The following AS3MT variants were observed in gnomAD, a reference collection of about 807,000 sequenced individuals.
AS3MT encodes the protein S-adenosyl-L-methionine:arsenic(III) methyltransferase.
Under a neutral mutation model 45.3 loss-of-function variants are expected in AS3MT, and 47 were observed. The ratio of observed to expected loss-of-function variants is 1.04; its 90% CI spans 0.82 to 1.32. AS3MT has a LOEUF of 1.32. Ranked by LOEUF, AS3MT falls within the 40% of genes most tolerant of loss-of-function variation. The pLI, the probability that AS3MT is intolerant of heterozygous loss-of-function variation, is 0.00. For synonymous variants in AS3MT, 141 were observed against 152.8 expected, an observed-to-expected ratio of 0.92 and a Z score of 0.57; for missense variants, 396 against 451.1, an observed-to-expected ratio of 0.88 and a Z score of 1.11.
At chr10:102,897,071 T>C (rs1270168787) in intron 10 of AS3MT, among the ~76,000 whole-genome samples, 6 of 152,074 alleles carry the variant, frequency 3.9e-5, no homozygotes, top group Non-Finnish European at 8.8e-5. Context: ...TTCTAAAACC[T>C]GGTTTCCTAA....
intron 10 of AS3MT, among the ~76,000 whole-genome samples, chr10:102,893,055 CCACA>C (rs1845099882): frequency 7.5e-6 from 1 of 133,184 alleles, no homozygotes; most frequent in Non-Finnish European, 1.7e-5. Context: ...TACTGAAAGA[CCACA>C]AAAAAAAAAA....
intron 10 of AS3MT, among the ~76,000 whole-genome samples, chr10:102,899,665 C>G (rs1417749598): frequency 6.8e-6 from 1 of 147,282 alleles, no homozygotes. Context: ...GTGGCATGTT[C>G]ATGCTTTTTT....
At position 102,877,034 on chromosome 10, in the gene AS3MT, G is replaced by C. The variant is rs370022454; in HGVS notation, c.609G>C (p.Trp203Cys). 1 of 1,613,862 alleles carries C rather than the reference G, an allele frequency of 6.2e-7. No individual in the cohort carries two copies. The highest frequency in any genetic ancestry group is 8.5e-7 in the Non-Finnish European group (1 of 1,179,794). The change falls in exon 7 of 11, where the codon TGG becomes TGC. Residue 203 changes from tryptophan (W) to cysteine (C), a missense_variant and splice_region_variant. By Grantham distance (215) the Trp-to-Cys change is radical (BLOSUM62 -2). Transcript: ENST00000369880. ...AAATCAGGACACACAAAGTTTTATG[G>C]GGTAGGTGATTTTGTTTAGTTTAGT... ...PEEIRTHKVL[W>C]GECLGGALYW...
Position 102,900,722 on chromosome 10 carries a change from C to T in AS3MT, c.*22C>T, listed in dbSNP as rs750888847. 31 of 1,567,352 alleles carry T rather than the reference C, an allele frequency of 2.0e-5. No homozygotes were observed. The highest frequency in any genetic ancestry group is 2.5e-5 in the Non-Finnish European group (28 of 1,137,672). On this transcript the variant is annotated 3_prime_UTR_variant, in exon 11 of 11. Transcript: ENST00000369880. The stretch of plus-strand genomic sequence containing the variant: ...CTAAATCTATAGCCAACCAGGGGAC[C>T]ACAGTAGTGGGCAAGAGTGATCTGC...
In AS3MT at chr10:102,878,908, A is replaced by G; in HGVS notation, c.802A>G (p.Thr268Ala). The change falls in exon 9 of 11, where the codon ACC (threonine) becomes GCC (alanine). Residue 268 changes from threonine (T) to alanine (A), a missense_variant. Physicochemically the swap from Thr to Ala is moderately conservative, Grantham distance 58. Transcript: ENST00000369880. The part of the protein sequence containing the change: ...RLFKHSKTGP[T>A]KRCQVIYNGG... ...CTTCAAACACTCTAAGACAGGACCA[A>G]CCAAGAGATGCCAAGTTATTTACAA... 6.2e-7 allele frequency: 1 copy of G among 1,614,150 alleles called. No individual in the cohort carries two copies. Among genetic ancestry groups the G allele is most frequent in the Non-Finnish European group, 8.5e-7 (1 of 1,179,996 alleles).
intron 9 of AS3MT, among the ~76,000 whole-genome samples, chr10:102,888,881 A>ATTTTT (rs869038434): frequency 1.9e-5 from 1 of 52,522 alleles, no homozygotes; most frequent in African/African-American, 7.0e-5. Context: ...ATATATATAT[A>ATTTTT]TTTTTTTTTT....
intron 9 of AS3MT, among the ~76,000 whole-genome samples, chr10:102,885,918 C>T (rs572358939): frequency 9.5e-4 from 145 of 152,044 alleles, no homozygotes; most frequent in Non-Finnish European, 1.6e-3. Context: ...CCGCCTGCCT[C>T]GGCCTCCCAA....
In AS3MT at chr10:102,874,256, G is replaced by GA. The variant is rs751101745; in HGVS notation, c.459-323dup. On this transcript the variant is annotated intron_variant, in intron 5 of 10. Transcript: ENST00000369880. Reference sequence around the variant, plus strand: ...CAACAGGAGTGAAACATCCTCTCGGGAAAAAAAAAAAAAGAAAGAAATGCC... The same window carrying GA: ...CAACAGGAGTGAAACATCCTCTCGGGAAAAAAAAAAAAAAGAAAGAAATGCC... 2.3e-3 allele frequency among the ~76,000 whole-genome samples: 320 copies of GA among 139,882 alleles called. 1 individual carries two copies. Among genetic ancestry groups the GA allele is most frequent in the Middle Eastern group, 3.8e-3 (1 of 264 alleles). The allele number at this position is 139,882 out of a possible 152,430, so 91.8% of individuals were successfully genotyped here.
At position 102,873,198 on chromosome 10, in the gene AS3MT, G is replaced by A. The variant is rs1844722447; in HGVS notation, c.423G>A (p.Glu141=). ...ATGGCTACATTGAGAAGTTGGGAGA[G>A]GCTGGAATCAAGAATGAGAGCCATG... is the stretch of plus-strand genomic sequence containing the variant. ...FIHGYIEKLG[E]AGIKNESHDI... is the part of the protein sequence containing the mutation. The change falls in exon 5 of 11, where the codon GAG becomes GAA. Residue 141 remains glutamate, a synonymous_variant. Coordinates refer to ENST00000369880, the MANE Select transcript of AS3MT (RefSeq NM_020682.4). The A allele has an allele frequency of 6.2e-7, 1 of 1,609,006 alleles. No individual in the cohort carries two copies. The highest frequency in any genetic ancestry group is 1.1e-5 in the South Asian group (1 of 89,614).
At chr10:102,879,587 G>A (rs768251709) in intron 9 of AS3MT, among the ~76,000 whole-genome samples, 41 of 151,830 alleles carry the variant, frequency 2.7e-4, no homozygotes, top group African/African-American at 8.5e-4. Flanking sequence ...CGAACATGGC[G>A]AAAACCCATC....
At chr10:102,890,374 G>T (rs1207676267) in intron 9 of AS3MT, among the ~76,000 whole-genome samples, 170 bp from the exon 10 acceptor site, 1 of 152,026 alleles carries the variant, frequency 6.6e-6, no homozygotes, top group Admixed American at 6.6e-5. Context: ...AATTTTTTGA[G>T]GAATCTCCAT....
intron 10 of AS3MT, among the ~76,000 whole-genome samples, chr10:102,894,196 C>T (rs1179317452): frequency 2.0e-5 from 3 of 151,882 alleles, no homozygotes; most frequent in East Asian, 1.9e-4. Context: ...GAGGCCGAGG[C>T]GGGTGGATCA....
chr10:102,894,653 G>A (rs757534911), intron 10 of AS3MT, among the ~76,000 whole-genome samples: 68 of 152,090 alleles, frequency 4.5e-4, no homozygotes, highest in Non-Finnish European at 8.1e-4. Context: ...AAGACTGATA[G>A]AACAGACTCT....
intron 9 of AS3MT, among the ~76,000 whole-genome samples, chr10:102,884,637 C>A (rs893376030): frequency 6.6e-6 from 1 of 152,048 alleles, no homozygotes; most frequent in Non-Finnish European, 1.5e-5. Context: ...ATCTCCGCCT[C>A]CTGGGTTCAA....
In AS3MT at chr10:102,884,632, C is replaced by T. The variant is rs185456907; in HGVS notation, c.885+5641C>T. On this transcript the variant is annotated intron_variant, in intron 9 of 10. Coordinates refer to ENST00000369880, the MANE Select transcript of AS3MT (RefSeq NM_020682.4). ...CGTGATCTTGGCTCACTGCAATCTC[C>T]GCCTCCTGGGTTCAAGCCATTCTCC... Among the ~76,000 whole-genome samples, 260 of 152,098 alleles carry T rather than the reference C, an allele frequency of 1.7e-3. 1 individual carries two copies. The highest frequency in any genetic ancestry group is 4.8e-3 in the African/African-American group (200 of 41,494).
In AS3MT at chr10:102,878,397, C is replaced by A; in HGVS notation, c.629C>A (p.Ala210Asp). ...KVLWGECLGGALYWKELAVLA... is the reference protein window; with the variant it reads ...KVLWGECLGGDLYWKELAVLA... ...TTTTTAGGTGAGTGTCTGGGTGGTGCTTTATACTGGAAGGAACTTGCTGTC... is the reference window on the plus strand; with the variant it reads ...TTTTTAGGTGAGTGTCTGGGTGGTGATTTATACTGGAAGGAACTTGCTGTC... Residue 210 changes from alanine (A) to aspartate (D), a missense_variant, in exon 8 of 11, where the codon GCT becomes GAT. Coordinates refer to ENST00000369880, the MANE Select transcript of AS3MT (RefSeq NM_020682.4). 1 of 1,613,846 alleles carries A rather than the reference C, an allele frequency of 6.2e-7. No homozygotes were observed. The highest frequency in any genetic ancestry group is 1.1e-5 in the South Asian group (1 of 91,064).
At chr10:102,874,101 A>C (rs1844741017) in intron 5 of AS3MT, among the ~76,000 whole-genome samples, 1 of 152,116 alleles carries the variant, frequency 6.6e-6, no homozygotes, top group Non-Finnish European at 1.5e-5. Flanking sequence ...AAAAATACAA[A>C]AATTAGCTGG....
At chr10:102,889,160 G>A (rs1020644804) in intron 9 of AS3MT, among the ~76,000 whole-genome samples, 1 of 151,936 alleles carries the variant, frequency 6.6e-6, no homozygotes, top group Non-Finnish European at 1.5e-5. Flanking sequence ...AAAGTGCTGG[G>A]ATTACAGGCT....
At chr10:102,888,881 A>ATTTTTTTTTTTTT (rs869038434) in intron 9 of AS3MT, among the ~76,000 whole-genome samples, 10 of 52,516 alleles carry the variant, frequency 1.9e-4, no homozygotes, top group Admixed American at 2.9e-4. Flanking sequence ...ATATATATAT[A>ATTTTTTTTTTTTT]TTTTTTTTTT....
Sources: allele counts gnomAD v4.1 joint callset (sites outside exome capture counted in the v4.1 genomes callset), GRCh38; gene constraint gnomAD v4.1.1; transcripts MANE v1.5; gene names NCBI Gene and HGNC (gene_info 2026-07-23, HGNC 2026-07-21).